OSBPL9: variants seen among roughly 807,000 people sequenced by gnomAD.
OSBPL9 encodes the protein oxysterol binding protein like 9, also known as oxysterol-binding protein-related protein 9.
A neutral mutation model predicts 106.6 loss-of-function variants in OSBPL9; 40 were observed. The observed-to-expected ratio is 0.38, with a 90% CI of 0.29 to 0.49. OSBPL9 has a LOEUF of 0.49. Among genes scored for constraint, OSBPL9 ranks in the 20% least tolerant of loss-of-function variants. The pLI, the probability that OSBPL9 is intolerant of heterozygous loss-of-function variation, is 0.97. For synonymous variants in OSBPL9, 269 were observed against 295.4 expected (o/e 0.91, Z 0.92); for missense variants, 609 against 887.2 (o/e 0.69, Z 3.98).
intron 1 of OSBPL9, among the ~76,000 whole-genome samples, chr1:51,595,109 C>T (rs1382609221): frequency 6.6e-6 from 1 of 152,170 alleles, no homozygotes; most frequent in Non-Finnish European, 1.5e-5. Flanking sequence ...CATTCGAGGC[C>T]TGGGGGTAGT....
intron 1 of OSBPL9, among the ~76,000 whole-genome samples, chr1:51,642,700 T>G (rs1645881293): frequency 6.6e-6 from 1 of 152,218 alleles, no homozygotes; most frequent in Non-Finnish European, 1.5e-5. Flanking sequence ...TTATCTCTTT[T>G]TACATACAAA....
intron 2 of OSBPL9, among the ~76,000 whole-genome samples, chr1:51,605,343 C>G (rs1643939011): frequency 6.6e-6 from 1 of 152,138 alleles, no homozygotes; most frequent in Admixed American, 6.5e-5. Context: ...GCAATCCCAG[C>G]ACTTAGGGAG....
chr1:51,600,764 G>A (rs1352061372), intron 2 of OSBPL9, among the ~76,000 whole-genome samples: 1 of 152,150 alleles, frequency 6.6e-6, no homozygotes, highest in Non-Finnish European at 1.5e-5. Flanking sequence ...AACCAAGTCC[G>A]ATTTGTTTTC....
At chr1:51,704,531 A>G (rs1658011024) in intron 3 of OSBPL9, among the ~76,000 whole-genome samples, 1 of 152,238 alleles carries the variant, frequency 6.6e-6, no homozygotes, top group Admixed American at 6.5e-5. Context: ...CTGCTATAAC[A>G]AATTACCATA....
intron 1 of OSBPL9, among the ~76,000 whole-genome samples, chr1:51,636,196 C>G (rs1437994297): frequency 2.0e-5 from 2 of 101,486 alleles, no homozygotes; most frequent in Non-Finnish European, 3.7e-5. Context: ...GGTCTTGCTT[C>G]GTTATCCAGG....
At chr1:51,750,692 A>G (rs1669053041) in intron 8 of OSBPL9, among the ~76,000 whole-genome samples, 1 of 152,178 alleles carries the variant, frequency 6.6e-6, no homozygotes, top group South Asian at 2.1e-4. Flanking sequence ...AATTTCATAT[A>G]TGTTGTCTCT....
chr1:51,580,028 C>T (rs896996492), intron 1 of OSBPL9, among the ~76,000 whole-genome samples: 1 of 152,092 alleles, frequency 6.6e-6, no homozygotes, highest in Non-Finnish European at 1.5e-5. Context: ...CCATGTTTGC[C>T]TCTAGCAATC....
intron 1 of OSBPL9, among the ~76,000 whole-genome samples, chr1:51,635,016 G>A (rs1038131528): frequency 2.0e-5 from 3 of 152,142 alleles, no homozygotes; most frequent in Non-Finnish European, 2.9e-5. Context: ...TGGGAATTAC[G>A]GGAGCTACAA....
Position 51,588,656 on chromosome 1 carries a change from CAAAAGAA to C in OSBPL9, c.-422-9457_-422-9451del, listed in dbSNP as rs902421893. 1.4e-4 allele frequency among the ~76,000 whole-genome samples: 21 copies of C among 151,878 alleles called. 1 individual carries two copies. The highest frequency in any genetic ancestry group is 3.1e-4 in the Non-Finnish European group (21 of 67,908). ...ACAGAGTGAAATCCTGTCTCAAAAA[CAAAAGAA>C]AAAAGAAAAAGACTCGCTGGTACAC... On this transcript the variant is annotated intron_variant, in intron 1 of 25. Coordinates refer to the OSBPL9 transcript ENST00000371714.
intron 4 of OSBPL9, 21 bp from the exon 5 acceptor site, chr1:51,745,515 T>C (rs763253235): frequency 2.6e-5 from 42 of 1,608,052 alleles, no homozygotes; most frequent in Non-Finnish European, 3.2e-5. Flanking sequence ...GGTAGATTTA[T>C]TGCAAATTCT....
intron 15 of OSBPL9, 110 bp from the exon 16 acceptor site, chr1:51,781,054 A>G (rs1571759444): frequency 1.1e-6 from 1 of 870,038 alleles, no homozygotes; most frequent in East Asian, 2.6e-5. Context: ...TCCTGGTCCT[A>G]GGTCCTCAGT....
chr1:51,579,422 G>T (rs944916518), intron 1 of OSBPL9, among the ~76,000 whole-genome samples: 6 of 152,280 alleles, frequency 3.9e-5, no homozygotes, highest in Non-Finnish European at 7.4e-5. Context: ...CTTAGCCTCA[G>T]ACAGATTAGA....
chr1:51,622,233 G>T (rs1644482853), intron 1 of OSBPL9, among the ~76,000 whole-genome samples: 1 of 152,154 alleles, frequency 6.6e-6, no homozygotes, highest in Admixed American at 6.5e-5. Flanking sequence ...ACATAAAGAT[G>T]TGTTACAGTC....
chr1:51,700,008 T>C (rs2148850453), intron 3 of OSBPL9, among the ~76,000 whole-genome samples: 1 of 152,338 alleles, frequency 6.6e-6, no homozygotes, highest in South Asian at 2.1e-4. Flanking sequence ...CATATTTAAC[T>C]CCGTTTTCCA....
chr1:51,606,195 GGCT>G (rs1337727215), intron 2 of OSBPL9, among the ~76,000 whole-genome samples: 1 of 152,166 alleles, frequency 6.6e-6, no homozygotes, highest in Non-Finnish European at 1.5e-5. Flanking sequence ...GGAAAGGAAA[GGCT>G]GTGTGATTCC....
upstream of OSBPL9, among the ~76,000 whole-genome samples, chr1:51,573,363 C>T (rs904096561): frequency 1.8e-4 from 28 of 151,396 alleles, no homozygotes; most frequent in African/African-American, 5.6e-4. Context: ...ACAAAATTAG[C>T]CGGGCATGGT....
intron 1 of OSBPL9, among the ~76,000 whole-genome samples, chr1:51,650,532 T>G (rs1646449419): frequency 1.3e-5 from 2 of 152,112 alleles, no homozygotes; most frequent in Admixed American, 6.6e-5. Flanking sequence ...ATTGAGAAAT[T>G]TTTTTCCTAA....
intron 1 of OSBPL9, 142 bp downstream of exon 1, chr1:51,617,363 G>A (rs1644112454): frequency 2.4e-6 from 2 of 819,534 alleles, no homozygotes; most frequent in African/African-American, 1.7e-5. Flanking sequence ...TGTTGGGGAG[G>A]GTTTTACGTC....
chr1:51,519,020 C>T, the OSBPL9 span, among the ~76,000 whole-genome samples: 8 of 151,270 alleles, frequency 5.3e-5, no homozygotes, highest in African/African-American at 1.9e-4. Flanking sequence ...AGGGGGGCTC[C>T]GGCTCCGGAG....
Sources: gnomAD v4.1 joint callset for allele counts (sites outside exome capture counted in the v4.1 genomes callset) on GRCh38, gnomAD v4.1.1 for gene constraint, MANE v1.5 for transcripts, NCBI Gene and HGNC (gene_info 2026-07-23, HGNC 2026-07-21) for gene names.